DNM1: variants seen among roughly 807,000 people sequenced by gnomAD.
DNM1 encodes dynamin 1.
DNM1 carries 29 observed loss-of-function variants against 104.6 expected under a neutral mutation model. That is an observed-to-expected ratio of 0.28 (90% CI 0.21 to 0.38). The LOEUF (loss-of-function observed/expected upper bound fraction) is 0.38. Ranked by LOEUF, DNM1 falls within the 10% of genes least tolerant of loss-of-function variation. DNM1 has a pLI of 1.00. For synonymous variants in DNM1, 445 were observed against 475.8 expected (o/e 0.94, Z 0.84); for missense variants, 640 against 1,189.4 (o/e 0.54, Z 6.79).
At position 128,222,402 on chromosome 9, in the gene DNM1, C is replaced by T; in HGVS notation, c.993-59C>T. 6.8e-6 allele frequency: 11 copies of T among 1,609,976 alleles called. No homozygotes were observed. Among genetic ancestry groups the T allele is most frequent in the Non-Finnish European group, 9.3e-6 (11 of 1,176,934 alleles). ...CCCAGCCTCTCAGCGTGGGGCTCTC[C>T]CAGGGTTCCCTTTGCTGGGCTGCTC... On this transcript the variant is annotated intron_variant, in intron 7 of 21. Transcript: ENST00000372923. The surrounding 1 kb of genome is among the most constrained non-coding windows in gnomAD (Gnocchi z 7.8).
rs549550565 is a variant in DNM1, at chr9:128,207,870, G to A, written c.161+4239G>A. On this transcript the variant is annotated intron_variant, in intron 1 of 21. Transcript: ENST00000372923. ...TGGGCTGGGAGGTGCACCAGGATGG[G>A]GGCACGGGTTGGGGATCTTCTCCAT... 6.0e-4 allele frequency among the ~76,000 whole-genome samples: 91 copies of A among 152,118 alleles called. 1 individual carries two copies. Among genetic ancestry groups the A allele is most frequent in the African/African-American group, 2.1e-3 (87 of 41,458 alleles).
chr9:128,207,742 GT>G (rs1272707915), intron 1 of DNM1, among the ~76,000 whole-genome samples: 1 of 152,198 alleles, frequency 6.6e-6, no homozygotes, highest in East Asian at 1.9e-4. Flanking sequence ...TATGGTGAGT[GT>G]TGAAACAATC....
chr9:128,246,925 T>C, intron 16 of DNM1: 1 of 247,230 alleles, frequency 4.0e-6, no homozygotes, highest in East Asian at 8.5e-5. Context: ...TCTCCTGCTC[T>C]CTTTCCTATA....
Position 128,222,385 on chromosome 9 carries a change from C to T in DNM1, c.992+46C>T. ...ATCACTGAATCCCCGCCCCCAGCCTCTCAGCGTGGGGCTCTCCCAGGGTTC... is the reference window on the plus strand; with the variant it reads ...ATCACTGAATCCCCGCCCCCAGCCTTTCAGCGTGGGGCTCTCCCAGGGTTC... On this transcript the variant is annotated intron_variant, in intron 7 of 21. Transcript: ENST00000372923. This position sits in a 1 kb window ranked among gnomAD's most constrained non-coding sequence, Gnocchi z 7.8. 1.2e-6 allele frequency: 2 copies of T among 1,609,020 alleles called. No homozygotes were observed. The highest frequency in any genetic ancestry group is 1.7e-6 in the Non-Finnish European group (2 of 1,176,350).
At chr9:128,204,256 G>A (rs573581011) in intron 1 of DNM1, 1 of 152,610 alleles carries the variant, frequency 6.6e-6, no homozygotes, top group East Asian at 1.9e-4. Context: ...GATGAGGAAG[G>A]GAAGAGGGGA....
intron 11 of DNM1, among the ~76,000 whole-genome samples, chr9:128,235,802 C>T (rs1054791222): frequency 1.3e-5 from 2 of 152,142 alleles, no homozygotes; most frequent in Non-Finnish European, 2.9e-5. Flanking sequence ...GAAGACTCGA[C>T]CTCCCAGGCT....
At chr9:128,219,523 G>T (rs1413149316) in intron 4 of DNM1, among the ~76,000 whole-genome samples, 1 of 152,002 alleles carries the variant, frequency 6.6e-6, no homozygotes, top group Admixed American at 6.6e-5. Context: ...TTAAAAATTA[G>T]CCGGGCACCG....
chr9:128,234,136 C>T lies in DNM1; in HGVS notation c.1422+29C>T, dbSNP rs748250474. 29 of 1,496,730 alleles carry T rather than the reference C, an allele frequency of 1.9e-5. No individual in the cohort carries two copies. The East Asian group carries it at 3.0e-4, about 16-fold the overall frequency. The allele number at this position is 1,496,730 out of a possible 1,614,324, so 92.7% of individuals were successfully genotyped here. A position where few individuals can be genotyped will look rare whatever the true frequency, so the allele number is the denominator to read the frequency against. On this transcript the variant is annotated intron_variant, in intron 11 of 21. Coordinates refer to ENST00000372923, the MANE Select transcript of DNM1 (RefSeq NM_004408.4). ...AGCCCCGCAGCACCCGGCCTGGCCG[C>T]GCCTTCCTTCCACTCCTGGCCGCCT...
chr9:128,254,533 T>G lies in DNM1; in HGVS notation c.2535-121T>G. On this transcript the variant is annotated intron_variant, in intron 21 of 21. Coordinates refer to ENST00000372923, the MANE Select transcript of DNM1 (RefSeq NM_004408.4). The surrounding 1 kb of genome is among the most constrained non-coding windows in gnomAD (Gnocchi z 6.1). ...CCACACCCACACCTGCAGCCTCCCC[T>G]CCCCGGCCCTCCCACCACTGCTGCG... 7.3e-7 allele frequency: 1 copy of G among 1,376,416 alleles called. No individual in the cohort carries two copies. The allele number at this position is 1,376,416 out of a possible 1,614,324, so 85.3% of individuals were successfully genotyped here. A position where few individuals can be genotyped will look rare whatever the true frequency, so the allele number is the denominator to read the frequency against.
At chr9:128,250,977 G>C in intron 21 of DNM1, 37 bp downstream of exon 21, 1 of 1,225,612 alleles carries the variant, frequency 8.2e-7, no homozygotes, top group Non-Finnish European at 1.1e-6. Flanking sequence ...GAGGCTGCCG[G>C]ACGGGCGTGG....
At position 128,218,953 on chromosome 9, in the gene DNM1, T is replaced by C; in HGVS notation, c.386-96T>C. On this transcript the variant is annotated intron_variant, in intron 3 of 21. Coordinates refer to ENST00000372923, the MANE Select transcript of DNM1 (RefSeq NM_004408.4). This position sits in a 1 kb window ranked among gnomAD's most constrained non-coding sequence, Gnocchi z 4.8. The stretch of plus-strand genomic sequence containing the variant: ...TCCTAGTCCCACCCACCTGCCACCC[T>C]GCTCCCAAGCAGCTTCTCTAACCCC... 1.4e-6 allele frequency: 2 copies of C among 1,437,580 alleles called. No individual in the cohort carries two copies. Among genetic ancestry groups the C allele is most frequent in the Middle Eastern group, 3.8e-4 (2 of 5,232 alleles). 89.1% of individuals were successfully genotyped at this position (1,437,580 alleles called of 1,614,324 possible).
In DNM1 at chr9:128,218,408, G is replaced by C; in HGVS notation, c.235+104G>C. 6.8e-7 allele frequency: 1 copy of C among 1,460,932 alleles called. No individual in the cohort carries two copies. The highest frequency in any genetic ancestry group is 9.6e-7 in the Non-Finnish European group (1 of 1,041,658). 90.5% of individuals were successfully genotyped at this position (1,460,932 alleles called of 1,614,324 possible). The stretch of plus-strand genomic sequence containing the variant: ...CCACGAACTTGCTTGCTGTGTGACT[G>C]TGGGCCTCGTTCCCCTTAGGGATAG... On this transcript the variant is annotated intron_variant, in intron 2 of 21. Coordinates refer to ENST00000372923, the MANE Select transcript of DNM1 (RefSeq NM_004408.4). This position sits in a 1 kb window ranked among gnomAD's most constrained non-coding sequence, Gnocchi z 4.8.
At chr9:128,231,893 C>G (rs904619738) in intron 10 of DNM1, 20 of 406,562 alleles carry the variant, frequency 4.9e-5, no homozygotes, top group South Asian at 3.3e-4. Flanking sequence ...CTGAATGGCT[C>G]CAGGGGCTGT....
chr9:128,236,994 C>T (rs889909542), intron 11 of DNM1, among the ~76,000 whole-genome samples: 4 of 152,190 alleles, frequency 2.6e-5, no homozygotes, highest in Non-Finnish European at 5.9e-5. Context: ...TGCCTTTTTC[C>T]TCTGAAGATA....
At chr9:128,227,041 A>G (rs1262486642) in intron 10 of DNM1, among the ~76,000 whole-genome samples, 57 of 134,780 alleles carry the variant, frequency 4.2e-4, no homozygotes, top group African/African-American at 1.6e-3. Flanking sequence ...TTGAGATGGA[A>G]TCTTGCTCTG....
At position 128,250,647 on chromosome 9, in the gene DNM1, T is replaced by G. The variant is rs927313630; in HGVS notation, c.2319-78T>G. The G allele has an allele frequency of 2.4e-6, 3 of 1,245,860 alleles. No individual in the cohort carries two copies. The East Asian group carries it at 9.2e-5, about 38-fold the overall frequency. The allele number at this position is 1,245,860 out of a possible 1,614,324, so 77.2% of individuals were successfully genotyped here. ...TTGCGTGCATGGGCGTGGCCAGCACTGGGCTGGGGCGGGGCCTCTGGGTGG... is the reference window on the plus strand; with the variant it reads ...TTGCGTGCATGGGCGTGGCCAGCACGGGGCTGGGGCGGGGCCTCTGGGTGG... On this transcript the variant is annotated intron_variant, in intron 20 of 21. Coordinates refer to ENST00000372923, the MANE Select transcript of DNM1 (RefSeq NM_004408.4).
chr9:128,239,793 A>C lies in DNM1; in HGVS notation c.1545+14A>C. 1 of 1,612,484 alleles carries C rather than the reference A, an allele frequency of 6.2e-7. No individual in the cohort carries two copies. On this transcript the variant is annotated intron_variant, in intron 13 of 21. Transcript: ENST00000372923. ...TCAGGGAACCAGGTGAGTGGGGCCCAGCACCCCAGCCCGAGGGATGGAGGG... is the reference window on the plus strand; with the variant it reads ...TCAGGGAACCAGGTGAGTGGGGCCCCGCACCCCAGCCCGAGGGATGGAGGG...
Position 128,253,424 on chromosome 9 carries a change from G to C in DNM1, c.2535-1230G>C, listed in dbSNP as rs1004996055. The C allele has an allele frequency of 1.9e-6, 1 of 515,500 alleles. No individual in the cohort carries two copies. Among genetic ancestry groups the C allele is most frequent in the African/African-American group, 1.9e-5 (1 of 51,876 alleles). 31.9% of individuals were successfully genotyped at this position (515,500 alleles called of 1,614,324 possible). A position where few individuals can be genotyped will look rare whatever the true frequency, so the allele number is the denominator to read the frequency against. ...CTGGCAGACATGGGTGCTCTCTGGA[G>C]CCGTCAGAGAGGGCAGAGAGCTCGT... On this transcript the variant is annotated intron_variant, in intron 21 of 21. Coordinates refer to ENST00000372923, the MANE Select transcript of DNM1 (RefSeq NM_004408.4). This position sits in a 1 kb window ranked among gnomAD's most constrained non-coding sequence, Gnocchi z 5.9.
intron 10 of DNM1, among the ~76,000 whole-genome samples, chr9:128,231,392 G>T (rs1429205168): frequency 6.6e-6 from 1 of 151,826 alleles, no homozygotes; most frequent in African/African-American, 2.4e-5. Context: ...ATAGAGACGG[G>T]GTTTCTCCAT....
Sources: allele counts gnomAD v4.1 joint callset (sites outside exome capture counted in the v4.1 genomes callset), GRCh38; gene constraint gnomAD v4.1.1; non-coding constraint Gnocchi (gnomAD v3.1); transcripts MANE v1.5; gene names NCBI Gene and HGNC (gene_info 2026-07-23, HGNC 2026-07-21).